Variants in ROBO2 observed in about 807,000 individuals in gnomAD.
ROBO2 encodes the protein roundabout guidance receptor 2.
A neutral mutation model predicts 160.8 loss-of-function variants in ROBO2; 53 were observed. That is an observed-to-expected ratio of 0.33 (90% CI 0.26 to 0.41). ROBO2 has a LOEUF of 0.41. Ranked by LOEUF, ROBO2 falls within the 10% of genes least tolerant of loss-of-function variation. The pLI is 1.00. For missense variants in ROBO2, 1,577 were observed against 1,722.4 expected, an observed-to-expected ratio of 0.92 and a Z score of 1.49; for synonymous variants, 664 against 611.7, an observed-to-expected ratio of 1.09 and a Z score of -1.26.
At chr3:77,061,651 T>C (rs961702194) in intron 1 of ROBO2, among the ~76,000 whole-genome samples, 20 of 152,164 alleles carry the variant, frequency 1.3e-4, no homozygotes, top group African/African-American at 4.8e-4. Context: ...TTTTGAGCTT[T>C]TTCTGGCACA....
chr3:76,796,689 C>T (rs139919259), intron 2 of ROBO2, among the ~76,000 whole-genome samples: 1,883 of 152,080 alleles, frequency 0.012, 46 homozygotes, highest in African/African-American at 0.041. Context: ...ACCCAACAAT[C>T]GGTTGCCTAT....
intron 2 of ROBO2, among the ~76,000 whole-genome samples, chr3:76,582,287 T>C (rs2085750771): frequency 6.6e-6 from 1 of 152,182 alleles, no homozygotes; most frequent in Admixed American, 6.5e-5. Context: ...GGTTTATTTA[T>C]AGTAATGACA....
intron 2 of ROBO2, among the ~76,000 whole-genome samples, chr3:76,678,760 A>G (rs1026053196): frequency 5.3e-5 from 8 of 152,124 alleles, no homozygotes; most frequent in African/African-American, 1.9e-4. Flanking sequence ...AGCCGCTAAT[A>G]TTGGTATGAA....
At chr3:76,321,541 C>G (rs551390383) in intron 2 of ROBO2, among the ~76,000 whole-genome samples, 1 of 152,092 alleles carries the variant, frequency 6.6e-6, no homozygotes, top group Non-Finnish European at 1.5e-5. Flanking sequence ...CTACGTGTAT[C>G]AACCCCATTG....
At chr3:76,548,095 T>C (rs919719181) in intron 2 of ROBO2, among the ~76,000 whole-genome samples, 1 of 152,164 alleles carries the variant, frequency 6.6e-6, no homozygotes, top group East Asian at 1.9e-4. Context: ...CACTACTTTA[T>C]TTTTGGTAAG....
At position 76,672,173 on chromosome 3, in the gene ROBO2, G is replaced by A. The variant is rs111353374; in HGVS notation, c.110-425841G>A. Among the ~76,000 whole-genome samples, 373 of 152,098 alleles carry A rather than the reference G, an allele frequency of 2.5e-3. 1 individual carries two copies. Among genetic ancestry groups the A allele is most frequent in the African/African-American group, 8.4e-3 (348 of 41,494 alleles). On this transcript the variant is annotated intron_variant, in intron 2 of 26. Transcript: ENST00000487694. ...TAGCTTTCTGCTTTGCCATCACTAC[G>A]CTGTGGACTTCTTTGTGGGCTAAGA...
chr3:76,333,461 A>G (rs2073643804), intron 2 of ROBO2, among the ~76,000 whole-genome samples: 1 of 152,214 alleles, frequency 6.6e-6, no homozygotes, highest in Admixed American at 6.5e-5. Flanking sequence ...TATGTATGAC[A>G]TATTCCAGAT....
At chr3:77,433,365 A>G (rs1163638417) in intron 2 of ROBO2, among the ~76,000 whole-genome samples, 1 of 151,206 alleles carries the variant, frequency 6.6e-6, no homozygotes, top group African/African-American at 2.4e-5. Flanking sequence ...ATTGTGTTCT[A>G]TTATTCTATG....
At chr3:77,466,169 T>C (rs1353912425) in intron 2 of ROBO2, among the ~76,000 whole-genome samples, 1 of 152,196 alleles carries the variant, frequency 6.6e-6, no homozygotes, top group East Asian at 1.9e-4. Context: ...TGAATTAGGA[T>C]ACATTTCAAG....
chr3:77,542,031 A>G (rs181127158), intron 6 of ROBO2, among the ~76,000 whole-genome samples: 2 of 152,156 alleles, frequency 1.3e-5, no homozygotes, highest in African/African-American at 4.8e-5. Context: ...CTGTGTTGAT[A>G]AAATGCCACA....
At chr3:76,505,024 G>A (rs2080720271) in intron 2 of ROBO2, among the ~76,000 whole-genome samples, 1 of 152,072 alleles carries the variant, frequency 6.6e-6, no homozygotes, top group Non-Finnish European at 1.5e-5. Flanking sequence ...TGGTAAATGA[G>A]CAGTGTGGGC....
intron 2 of ROBO2, among the ~76,000 whole-genome samples, chr3:76,218,809 A>T (rs1028088680): frequency 1.3e-5 from 2 of 152,194 alleles, no homozygotes; most frequent in African/African-American, 4.8e-5. Context: ...ATTGGAAAAA[A>T]CTACTTGAAA....
At chr3:76,803,660 A>AT (rs1316022401) in intron 2 of ROBO2, among the ~76,000 whole-genome samples, 6 of 152,084 alleles carry the variant, frequency 3.9e-5, no homozygotes, top group Non-Finnish European at 7.4e-5. Context: ...TCACTTGTTA[A>AT]TTTTTTGCGT....
chr3:77,026,426 G>C (rs889395188), intron 2 of ROBO2, among the ~76,000 whole-genome samples: 8 of 152,174 alleles, frequency 5.3e-5, no homozygotes, highest in African/African-American at 1.7e-4. Flanking sequence ...TGGGACAGCA[G>C]TTTCACATAA....
intron 5 of ROBO2, among the ~76,000 whole-genome samples, chr3:77,499,540 A>G (rs2087245127): frequency 6.6e-6 from 1 of 152,116 alleles, no homozygotes; most frequent in Non-Finnish European, 1.5e-5. Flanking sequence ...AATTAATGCT[A>G]AAAAAATATA....
chr3:76,942,190 TAAACTTCCTCCTGTTG>T (rs1338757078), intron 2 of ROBO2, among the ~76,000 whole-genome samples: 2 of 152,204 alleles, frequency 1.3e-5, no homozygotes, highest in African/African-American at 4.8e-5. Context: ...GTTTGTACTT[TAAACTTCCTCCTGTTG>T]AAACTCACTG....
chr3:76,423,672 A>C (rs979133363), intron 2 of ROBO2, among the ~76,000 whole-genome samples: 1 of 152,168 alleles, frequency 6.6e-6, no homozygotes. Flanking sequence ...GGGTGCTTGC[A>C]AGGTATAATC....
At chr3:76,804,600 T>C (rs1056835215) in intron 2 of ROBO2, among the ~76,000 whole-genome samples, 1 of 152,162 alleles carries the variant, frequency 6.6e-6, no homozygotes, top group African/African-American at 2.4e-5. Flanking sequence ...GAGCAGACAG[T>C]CCCTAAATTT....
intron 2 of ROBO2, among the ~76,000 whole-genome samples, chr3:76,675,845 G>A (rs1295611176): frequency 6.6e-6 from 1 of 152,082 alleles, no homozygotes; most frequent in Non-Finnish European, 1.5e-5. Flanking sequence ...ATTCATGTTT[G>A]TTTCTGCATT....
Sources: allele counts gnomAD v4.1 joint callset (sites outside exome capture counted in the v4.1 genomes callset), GRCh38; gene constraint gnomAD v4.1.1; transcripts MANE v1.5; gene names NCBI Gene and HGNC (gene_info 2026-07-23, HGNC 2026-07-21).